Variants in GRK2 observed in about 807,000 individuals in gnomAD.
The protein encoded by GRK2 is G protein-coupled receptor kinase 2, also known as adrenergic beta receptor kinase 1.
A neutral mutation model predicts 97.8 loss-of-function variants in GRK2; 23 were observed. The ratio of observed to expected loss-of-function variants is 0.24; its 90% confidence interval spans 0.17 to 0.33. The LOEUF (loss-of-function observed/expected upper bound fraction) is 0.33. Among genes scored for constraint, GRK2 ranks in the 10% least tolerant of loss-of-function variants. GRK2 has a pLI of 1.00. For synonymous variants in GRK2, 425 were observed against 381.7 expected, an observed-to-expected ratio of 1.11 and a Z score of -1.32; for missense variants, 633 against 956.9, an observed-to-expected ratio of 0.66 and a Z score of 4.47.
chr11:67,270,318 C>T (rs1281917254), intron 1 of GRK2, among the ~76,000 whole-genome samples: 2 of 152,182 alleles, frequency 1.3e-5, no homozygotes, highest in African/African-American at 4.8e-5. Context: ...GTGACAGTGG[C>T]AGCCCCAGCA....
intron 1 of GRK2, among the ~76,000 whole-genome samples, chr11:67,272,584 C>T (rs1250111515): frequency 1.3e-5 from 2 of 152,240 alleles, no homozygotes; most frequent in Admixed American, 6.5e-5. Flanking sequence ...TCACCCAGTG[C>T]TCAGTGCTGC....
At chr11:67,280,493 A>G in intron 6 of GRK2, 1 of 588,448 alleles carries the variant, frequency 1.7e-6, no homozygotes, top group Non-Finnish European at 3.0e-6. Flanking sequence ...ATCTGATTCC[A>G]GCAGGAAGCC....
intron 6 of GRK2, chr11:67,280,235 C>T: frequency 7.1e-6 from 3 of 423,940 alleles, no homozygotes; most frequent in African/African-American, 2.0e-5. Flanking sequence ...CATCAGAGTC[C>T]TGGTAGGGGT....
rs958685738 is a variant in GRK2 at position 67,276,091 on chromosome 11, G to T, written c.114-1181G>T. Among the ~76,000 whole-genome samples the T allele has an allele frequency of 6.6e-6, 1 of 152,196 alleles. No individual in the cohort carries two copies. Among genetic ancestry groups the T allele is most frequent in the Non-Finnish European group, 1.5e-5 (1 of 68,032 alleles). On this transcript the variant is annotated intron_variant, in intron 1 of 20. Transcript: ENST00000308595. This position sits in a 1 kb window ranked among gnomAD's most constrained non-coding sequence, Gnocchi z 4.2. ...GCAAGCACAGAGAACCTGGACTTGC[G>T]GATCCAAATCTCCACCAGCTGCAGT...
chr11:67,273,433 A>G (rs1859954923), intron 1 of GRK2, among the ~76,000 whole-genome samples: 2 of 152,210 alleles, frequency 1.3e-5, no homozygotes, highest in South Asian at 2.1e-4. Flanking sequence ...TGCCAGTATC[A>G]GGGAGCAGTG....
chr11:67,268,607 C>G (rs1313095632), intron 1 of GRK2, among the ~76,000 whole-genome samples: 1 of 152,160 alleles, frequency 6.6e-6, no homozygotes, highest in Non-Finnish European at 1.5e-5. Context: ...CTGGAACTGT[C>G]TGCGTTCGGG....
At chr11:67,266,912 C>CG in intron 1 of GRK2, 100 bp downstream of exon 1, 1 of 451,132 alleles carries the variant, frequency 2.2e-6, no homozygotes, top group Non-Finnish European at 3.3e-6. Flanking sequence ...CCTGGACCCC[C>CG]GGGGCCGGCT....
intron 7 of GRK2, 139 bp downstream of exon 7, chr11:67,280,922 A>G (rs1860134787): frequency 1.7e-6 from 2 of 1,186,478 alleles, no homozygotes; most frequent in South Asian, 1.2e-5. Context: ...TATGGGGGTC[A>G]GGGCCGGGAT....
In GRK2 at chr11:67,284,359, T is replaced by C. The variant is rs1257730692; in HGVS notation, c.1640T>C (p.Leu547Pro). The C allele has an allele frequency of 1.2e-6, 2 of 1,612,590 alleles. No homozygotes were observed. Among genetic ancestry groups the C allele is most frequent in the Non-Finnish European group, 1.7e-6 (2 of 1,179,962 alleles). The change falls in exon 18 of 21, where the codon CTG becomes CCG. Residue 547 changes from leucine (L) to proline (P), a missense_variant. Leu to Pro is a moderately conservative substitution (Grantham distance 98, BLOSUM62 -3). Coordinates refer to ENST00000308595, the MANE Select transcript of GRK2 (RefSeq NM_001619.5). ...EARKKAKNKQ[L>P]GHEEDYALGK... is the part of the protein sequence containing the mutation. The stretch of plus-strand genomic sequence containing the variant: ...CGCAAGAAAGCCAAGAACAAGCAGC[T>C]GGGCCATGAGGAAGGTGAGGGTCGC...
At position 67,277,252 on chromosome 11, in the gene GRK2, T is replaced by G; in HGVS notation, c.114-20T>G. 1 of 1,612,898 alleles carries G rather than the reference T, an allele frequency of 6.2e-7. No individual in the cohort carries two copies. The highest frequency in any genetic ancestry group is 8.5e-7 in the Non-Finnish European group (1 of 1,179,616). On this transcript the variant is annotated intron_variant, in intron 1 of 20. Transcript: ENST00000308595. ...ACGGGCTCTGGGGGCTTCTGCTTAC[T>G]GCGCCCCCCTGACCCACAGCATCCG... is the stretch of plus-strand genomic sequence containing the variant.
rs140869547 is a variant in GRK2 at position 67,272,583 on chromosome 11, G to A, written c.114-4689G>A. ...ACCCACTCCTTCCCTGTCACCCAGT[G>A]CTCAGTGCTGCAGCTGCTCACTGTC... On this transcript the variant is annotated intron_variant, in intron 1 of 20. Coordinates refer to ENST00000308595, the MANE Select transcript of GRK2 (RefSeq NM_001619.5). 6.8e-4 allele frequency among the ~76,000 whole-genome samples: 104 copies of A among 152,330 alleles called. 1 individual carries two copies. The highest frequency in any genetic ancestry group is 1.1e-3 in the Non-Finnish European group (74 of 68,022).
Position 67,285,623 on chromosome 11 carries a change from C to G in GRK2, c.*173C>G, listed in dbSNP as rs2136507592. On this transcript the variant is annotated 3_prime_UTR_variant, in exon 21 of 21. Coordinates refer to ENST00000308595, the MANE Select transcript of GRK2 (RefSeq NM_001619.5). Reference sequence around the variant, plus strand: ...TTGCCTCGGCTCCTGCTGCACCAACCCAGCCGCTGCCCGGCGCCCTCTGTC... The same window carrying G: ...TTGCCTCGGCTCCTGCTGCACCAACGCAGCCGCTGCCCGGCGCCCTCTGTC... 1 of 788,088 alleles carries G rather than the reference C, an allele frequency of 1.3e-6. No individual in the cohort carries two copies. The highest frequency in any genetic ancestry group is 1.9e-6 in the Non-Finnish European group (1 of 523,144). The allele number at this position is 788,088 out of a possible 1,614,324, so 48.8% of individuals were successfully genotyped here. A position where few individuals can be genotyped will look rare whatever the true frequency, so the allele number is the denominator to read the frequency against.
intron 1 of GRK2, among the ~76,000 whole-genome samples, chr11:67,275,607 C>T (rs1206872894): frequency 1.3e-5 from 2 of 152,248 alleles, no homozygotes; most frequent in African/African-American, 4.8e-5. Context: ...CACTCCTTGG[C>T]TGTGAAGCCC....
chr11:67,282,958 C>T lies in GRK2; in HGVS notation c.1227+140C>T, dbSNP rs1219556596. ...TCTGGCCTCTGAGACAGACCTCCTG[C>T]CCCATAGGCTCTCGCCCTCCCCGTG... On this transcript the variant is annotated intron_variant, in intron 14 of 20. Transcript: ENST00000308595. This position sits in a 1 kb window ranked among gnomAD's most constrained non-coding sequence, Gnocchi z 6.9. 1.7e-6 allele frequency: 2 copies of T among 1,159,062 alleles called. No individual in the cohort carries two copies. The highest frequency in any genetic ancestry group is 1.9e-5 in the Admixed American group (1 of 51,868). The allele number at this position is 1,159,062 out of a possible 1,614,324, so 71.8% of individuals were successfully genotyped here. A position where few individuals can be genotyped will look rare whatever the true frequency, so the allele number is the denominator to read the frequency against.
rs1001200029 is a variant in GRK2, at chr11:67,282,097, C to T, written c.957+145C>T. ...CCATCTCCGCCCCTGCCCTTCCCAC[C>T]GAGCCACTCTCTGGGTCCAGGTTGT... is the stretch of plus-strand genomic sequence containing the variant. On this transcript the variant is annotated intron_variant, in intron 11 of 20. Coordinates refer to ENST00000308595, the MANE Select transcript of GRK2 (RefSeq NM_001619.5). The surrounding 1 kb of genome is among the most constrained non-coding windows in gnomAD (Gnocchi z 6.9). 3.2e-6 allele frequency: 4 copies of T among 1,261,614 alleles called. No homozygotes were observed. Among genetic ancestry groups the T allele is most frequent in the South Asian group, 1.4e-5 (1 of 72,070 alleles). The allele number at this position is 1,261,614 out of a possible 1,614,324, so 78.2% of individuals were successfully genotyped here.
At position 67,281,308 on chromosome 11, in the gene GRK2, C is replaced by A; in HGVS notation, c.647+124C>A. On this transcript the variant is annotated intron_variant, in intron 8 of 20. Transcript: ENST00000308595. This position sits in a 1 kb window ranked among gnomAD's most constrained non-coding sequence, Gnocchi z 5.7. Reference sequence around the variant, plus strand: ...GCACTCCTGTCTTGCCGTGCTGTTACCCCCGCAGGCTCCTCTGGCCCCAGC... The same window carrying A: ...GCACTCCTGTCTTGCCGTGCTGTTAACCCCGCAGGCTCCTCTGGCCCCAGC... The A allele has an allele frequency of 2.8e-6, 3 of 1,070,062 alleles. No homozygotes were observed. Among genetic ancestry groups the A allele is most frequent in the South Asian group, 1.4e-5 (1 of 70,894 alleles). 66.3% of individuals were successfully genotyped at this position (1,070,062 alleles called of 1,614,324 possible). A position where few individuals can be genotyped will look rare whatever the true frequency, so the allele number is the denominator to read the frequency against.
intron 1 of GRK2, among the ~76,000 whole-genome samples, chr11:67,273,031 C>T (rs905967873): frequency 6.6e-5 from 10 of 152,374 alleles, no homozygotes; most frequent in Admixed American, 2.0e-4. Context: ...CGGGGCACGG[C>T]GGGCAGCATG....
rs1426506361 is a variant in GRK2, at chr11:67,282,351, G to A, written c.1038G>A (p.Lys346=). The change falls in exon 12 of 21, where the codon AAG becomes AAA. Residue 346 remains lysine (K), a synonymous_variant. Transcript: ENST00000308595. The surrounding 1 kb of genome is among the most constrained non-coding windows in gnomAD (Gnocchi z 6.9). The stretch of plus-strand genomic sequence containing the variant: ...TGGCCTGTGACTTCTCCAAGAAGAA[G>A]CCCCATGCCAGCGTGTGAGTGCCCC... The part of the protein sequence containing the change: ...LGLACDFSKK[K]PHASVGTHGY... 2 of 1,613,434 alleles carry A rather than the reference G, an allele frequency of 1.2e-6. No individual in the cohort carries two copies. Among genetic ancestry groups the A allele is most frequent in the Non-Finnish European group, 1.7e-6 (2 of 1,179,958 alleles).
rs71457770 is a variant in GRK2 at position 67,282,009 on chromosome 11, C to G, written c.957+57C>G. ...TCCGTGGCTGTCCTCTCCTTCCTCT[C>G]GACATCCCGGCCACCAGGCCCAGAG... is the stretch of plus-strand genomic sequence containing the variant. On this transcript the variant is annotated intron_variant, in intron 11 of 20. Coordinates refer to ENST00000308595, the MANE Select transcript of GRK2 (RefSeq NM_001619.5). The surrounding 1 kb of genome is among the most constrained non-coding windows in gnomAD (Gnocchi z 6.9). 3 of 1,605,308 alleles carry G rather than the reference C, an allele frequency of 1.9e-6. No individual in the cohort carries two copies. The highest frequency in any genetic ancestry group is 2.6e-6 in the Non-Finnish European group (3 of 1,174,826).
Sources: allele counts gnomAD v4.1 joint callset (sites outside exome capture counted in the v4.1 genomes callset), GRCh38; gene constraint gnomAD v4.1.1; non-coding constraint Gnocchi (gnomAD v3.1); transcripts MANE v1.5; gene names NCBI Gene and HGNC (gene_info 2026-07-23, HGNC 2026-07-21).